Variants in OPCML observed in about 807,000 individuals in gnomAD.
OPCML encodes opioid-binding protein/cell adhesion molecule.
A neutral mutation model predicts 37.8 loss-of-function variants in OPCML; 13 were observed. The observed-to-expected ratio is 0.34, with a 90% CI of 0.22 to 0.55. The LOEUF (loss-of-function observed/expected upper bound fraction) is 0.55, where lower values mean the gene tolerates loss of function less well. OPCML is among the 20% of genes least tolerant of loss of function. The pLI is 0.91. For missense variants in OPCML, 341 were observed against 435.6 expected (o/e 0.78, Z 1.93); for synonymous variants, 176 against 168.8 (o/e 1.04, Z -0.33).
chr11:132,748,033 A>G (rs61908973), intron 2 of OPCML, among the ~76,000 whole-genome samples: 3 of 148,172 alleles, frequency 2.0e-5, no homozygotes, highest in Non-Finnish European at 4.5e-5. Flanking sequence ...TAGCCATTCT[A>G]TTATGTTATT....
chr11:132,845,769 TTCACTC>T (rs1260500660), intron 2 of OPCML, among the ~76,000 whole-genome samples: 2 of 152,208 alleles, frequency 1.3e-5, no homozygotes, highest in African/African-American at 4.8e-5. Flanking sequence ...CTCTCTGTCT[TTCACTC>T]TCTCTCTCTT....
At chr11:133,119,474 C>T (rs1414731126) in intron 1 of OPCML, among the ~76,000 whole-genome samples, 4 of 152,036 alleles carry the variant, frequency 2.6e-5, no homozygotes, top group Non-Finnish European at 5.9e-5. Context: ...TCCTGGGTCC[C>T]TTCATCCAAA....
rs368708479 is a variant in OPCML at position 133,299,598 on chromosome 11, G to A, written c.61+232666C>T. ...TAGATTATTAAAAGTGAGTTAATAC[G>A]TATGAGAAAGTGAGACAAGCATACC... On this transcript the variant is annotated intron_variant, in intron 1 of 7. Coordinates refer to ENST00000524381, the MANE Select transcript of OPCML (RefSeq NM_001012393.5). The A allele has an allele frequency of 8.5e-5, 13 of 152,310 alleles. No homozygotes were observed. In the East Asian group the frequency reaches 1.7e-3, roughly 20 times the overall value. 9.4% of individuals were successfully genotyped at this position (152,310 alleles called of 1,614,324 possible).
chr11:133,134,846 A>T (rs1202669825), intron 1 of OPCML, among the ~76,000 whole-genome samples: 9 of 152,170 alleles, frequency 5.9e-5, no homozygotes, highest in Admixed American at 5.9e-4. Context: ...AGGAAACACC[A>T]GTAAGGTTCC....
At position 133,102,283 on chromosome 11, in the gene OPCML, A is replaced by G. The variant is rs960741410; in HGVS notation, c.62-159273T>C. On this transcript the variant is annotated intron_variant, in intron 1 of 7. Transcript: ENST00000524381. ...AGATGTTGACAATGAGGGAGACTGC[A>G]GCAGATTTGCAGCATGAACAGGGGC... is the stretch of plus-strand genomic sequence containing the variant. 2.6e-5 allele frequency among the ~76,000 whole-genome samples: 4 copies of G among 152,236 alleles called. No individual in the cohort carries two copies. The East Asian group carries it at 5.8e-4, about 22-fold the overall frequency.
In OPCML at chr11:133,140,531, T is replaced by TAATAATAATAATAATAAG. The variant is rs1272061685; in HGVS notation, c.62-197522_62-197521insCTTATTATTATTATTATT. On this transcript the variant is annotated intron_variant, in intron 1 of 7. Transcript: ENST00000524381. ...TGTCTCAAAATAATAATAATAATAATAAGAAGAAGAAGAAGAAGAAGAAGA... is the reference window on the plus strand; with the variant it reads ...TGTCTCAAAATAATAATAATAATAATAATAATAATAATAATAAGAAGAAGAAGAAGAAGAAGAAGAAGA... Among the ~76,000 whole-genome samples, 444 of 88,072 alleles carry TAATAATAATAATAATAAG rather than the reference T, an allele frequency of 5.0e-3. 3 individuals carry two copies. Among genetic ancestry groups the TAATAATAATAATAATAAG allele is most frequent in the South Asian group, 0.013 (25 of 1,912 alleles). 57.8% of individuals were successfully genotyped at this position (88,072 alleles called of 152,430 possible).
intron 4 of OPCML, among the ~76,000 whole-genome samples, chr11:132,494,683 G>A (rs1303795656): frequency 6.6e-6 from 1 of 152,152 alleles, no homozygotes; most frequent in Non-Finnish European, 1.5e-5. Flanking sequence ...TAAATCCACT[G>A]GTGAGGACAT....
chr11:133,466,247 G>A (rs7946428), intron 1 of OPCML, among the ~76,000 whole-genome samples: 20,109 of 152,208 alleles, frequency 0.13, 3,166 homozygotes, highest in African/African-American at 0.37. Context: ...TTTCCAGAGA[G>A]AAGTCTGCTA....
intron 1 of OPCML, among the ~76,000 whole-genome samples, chr11:133,331,344 C>T (rs1227339075): frequency 6.6e-6 from 1 of 152,168 alleles, no homozygotes; most frequent in African/African-American, 2.4e-5. Flanking sequence ...TGACATCAAT[C>T]ATGCAATGTA....
intron 1 of OPCML, among the ~76,000 whole-genome samples, chr11:133,338,083 C>T (rs970980438): frequency 5.9e-5 from 9 of 152,136 alleles, no homozygotes; most frequent in Admixed American, 3.3e-4. Flanking sequence ...GTTACATTCT[C>T]TGTTTTCCAT....
intron 2 of OPCML, among the ~76,000 whole-genome samples, chr11:132,690,024 T>C (rs536488372): frequency 1.1e-4 from 16 of 152,348 alleles, no homozygotes; most frequent in Admixed American, 6.5e-4. Flanking sequence ...ACCTTCTATG[T>C]GACAGTACTG....
intron 3 of OPCML, among the ~76,000 whole-genome samples, chr11:132,541,516 AT>A (rs59821039): frequency 0.49 from 70,606 of 143,356 alleles, 17,481 homozygotes; most frequent in East Asian, 0.75. Flanking sequence ...CTATATCCAG[AT>A]TTTTTTTTTT....
At chr11:132,875,464 ATTT>A (rs564416726) in intron 2 of OPCML, among the ~76,000 whole-genome samples, 2 of 138,796 alleles carry the variant, frequency 1.4e-5, no homozygotes, top group African/African-American at 2.7e-5. Context: ...TACCCATCTA[ATTT>A]TTTTTTTTTT....
chr11:132,440,972 A>T (rs1261088737), intron 4 of OPCML, among the ~76,000 whole-genome samples: 1 of 151,952 alleles, frequency 6.6e-6, no homozygotes, highest in Admixed American at 6.6e-5. Flanking sequence ...CCTCTTTACT[A>T]GCTGCCAGGA....
At position 133,156,892 on chromosome 11, in the gene OPCML, C is replaced by T. The variant is rs79543247; in HGVS notation, c.62-213882G>A. ...GAGTAAGACACCTAAGAGTTTCTCT[C>T]TTGCTGGAGCTGGACTAAGAACACC... On this transcript the variant is annotated intron_variant, in intron 1 of 7. Coordinates refer to ENST00000524381, the MANE Select transcript of OPCML (RefSeq NM_001012393.5). 9.5e-3 allele frequency among the ~76,000 whole-genome samples: 1,450 copies of T among 152,198 alleles called. 35 individuals are homozygous for T. Among genetic ancestry groups the T allele is most frequent in the African/African-American group, 0.034 (1,394 of 41,518 alleles).
At chr11:132,812,618 G>C (rs1160583068) in intron 2 of OPCML, among the ~76,000 whole-genome samples, 1 of 152,142 alleles carries the variant, frequency 6.6e-6, no homozygotes, top group Non-Finnish European at 1.5e-5. Flanking sequence ...TCTTTTATCT[G>C]TCTATTAAAA....
chr11:133,373,463 A>AC (rs1565599730), intron 1 of OPCML, among the ~76,000 whole-genome samples: 26 of 145,810 alleles, frequency 1.8e-4, no homozygotes, highest in African/African-American at 6.4e-4. Context: ...ACACACACAC[A>AC]AAAATACAAA....
At chr11:133,103,659 T>C (rs544921574) in intron 1 of OPCML, among the ~76,000 whole-genome samples, 1 of 152,358 alleles carries the variant, frequency 6.6e-6, no homozygotes, top group East Asian at 1.9e-4. Flanking sequence ...TGTGTTGTTG[T>C]GTTAAAAATG....
intron 1 of OPCML, among the ~76,000 whole-genome samples, chr11:133,184,984 A>AT (rs1370930964): frequency 2.0e-5 from 3 of 152,176 alleles, no homozygotes; most frequent in East Asian, 1.9e-4. Context: ...GGCTGGCTTG[A>AT]TTTTTTCCTT....
Sources: allele counts gnomAD v4.1 joint callset (sites outside exome capture counted in the v4.1 genomes callset), GRCh38; gene constraint gnomAD v4.1.1; transcripts MANE v1.5; gene names NCBI Gene and HGNC (gene_info 2026-07-23, HGNC 2026-07-21).